The following RHOBTB3 variants were observed in gnomAD, a reference collection of about 807,000 sequenced individuals.
The protein encoded by RHOBTB3 is Rho related BTB domain containing 3, also known as rho-related BTB domain-containing protein 3.
RHOBTB3 carries 47 observed loss-of-function variants against 67.2 expected under a neutral mutation model. That is an observed-to-expected ratio of 0.70 (90% confidence interval 0.55 to 0.89). The LOEUF is 0.89. RHOBTB3 is among the 40% of genes least tolerant of loss of function. The pLI is 0.00. For missense variants in RHOBTB3, 631 were observed against 750.0 expected, an observed-to-expected ratio of 0.84 and a Z score of 1.85; for synonymous variants, 273 against 274.2, an observed-to-expected ratio of 1.00 and a Z score of 0.04.
At chr5:95,739,310 A>G (rs1755538367) in intron 3 of RHOBTB3, among the ~76,000 whole-genome samples, 1 of 152,026 alleles carries the variant, frequency 6.6e-6, no homozygotes, top group African/African-American at 2.4e-5. Context: ...CTTCATCTCC[A>G]TTGGATTTCG....
intron 10 of RHOBTB3, among the ~76,000 whole-genome samples, chr5:95,787,803 T>C (rs1746266287): frequency 6.6e-6 from 1 of 152,194 alleles, no homozygotes; most frequent in East Asian, 1.9e-4. Context: ...ATAGTGAAAT[T>C]CATAGAGACA....
chr5:95,782,609 C>T (rs9314156), intron 9 of RHOBTB3: 62,662 of 151,856 alleles, frequency 0.41, 13,161 homozygotes, highest in African/African-American at 0.48. Context: ...GAGATCGAGA[C>T]CATCCTGGCT....
chr5:95,783,571 AAAAAAAAAAAAAAAG>A lies in RHOBTB3; in HGVS notation c.1457-223_1457-209del, dbSNP rs1377722434. The A allele has an allele frequency of 1.9e-3, 284 of 149,998 alleles. 6 individuals are homozygous for A. The South Asian group carries it at 0.053, about 28-fold the overall frequency. 9.3% of individuals were successfully genotyped at this position (149,998 alleles called of 1,614,324 possible). ...TGAGACCTGTCTCTACAAAAAAAAA[AAAAAAAAAAAAAAAG>A]AAGAAGAAGAAAGGAAAGAAAAAAA... On this transcript the variant is annotated intron_variant, in intron 9 of 11. Coordinates refer to ENST00000379982, the MANE Select transcript of RHOBTB3 (RefSeq NM_014899.4).
intron 7 of RHOBTB3, among the ~76,000 whole-genome samples, chr5:95,766,959 C>T (rs1745564949): frequency 1.3e-5 from 2 of 151,994 alleles, no homozygotes; most frequent in Non-Finnish European, 2.9e-5. Context: ...TGGCTCACAC[C>T]TGTAATCCTA....
intron 7 of RHOBTB3, among the ~76,000 whole-genome samples, chr5:95,765,105 C>T (rs1745505339): frequency 6.6e-6 from 1 of 152,052 alleles, no homozygotes; most frequent in Non-Finnish European, 1.5e-5. Flanking sequence ...CAAACTTCTG[C>T]TCTCCCATTT....
chr5:95,765,028 T>C (rs1745502340), intron 7 of RHOBTB3, among the ~76,000 whole-genome samples: 1 of 152,174 alleles, frequency 6.6e-6, no homozygotes, highest in East Asian at 1.9e-4. Flanking sequence ...AAACAGTTCA[T>C]CTAGTTGTCT....
chr5:95,775,312 A>G (rs1745837336), intron 8 of RHOBTB3, among the ~76,000 whole-genome samples: 1 of 151,668 alleles, frequency 6.6e-6, no homozygotes, highest in Admixed American at 6.6e-5. Context: ...TTATTGGAGC[A>G]TTTTGGATTT....
At chr5:95,727,375 A>G (rs571013661), upstream of RHOBTB3, among the ~76,000 whole-genome samples, 9 of 152,200 alleles carry the variant, frequency 5.9e-5, no homozygotes, top group Non-Finnish European at 1.2e-4. Flanking sequence ...TTAAGGAACC[A>G]ACACGTTTTT....
rs116353007 is a variant in RHOBTB3, at chr5:95,737,211, G to A, written c.415+136G>A. 1,672 of 571,704 alleles carry A rather than the reference G, an allele frequency of 2.9e-3. 22 individuals are homozygous for A. The African/African-American group carries it at 0.031, about 10-fold the overall frequency. The allele number at this position is 571,704 out of a possible 1,614,324, so 35.4% of individuals were successfully genotyped here. On this transcript the variant is annotated intron_variant, in intron 3 of 11. Transcript: ENST00000379982. ...CTTTGGTTCAATGCCAGCTGCTATC[G>A]CTTCATCATTTGATACGATAAAAAA... is the stretch of plus-strand genomic sequence containing the variant.
At chr5:95,778,237 G>T (rs2112827256) in intron 8 of RHOBTB3, among the ~76,000 whole-genome samples, 1 of 152,124 alleles carries the variant, frequency 6.6e-6, no homozygotes, top group African/African-American at 2.4e-5. Context: ...CTTAGTATTT[G>T]CATGTAACCT....
intron 6 of RHOBTB3, among the ~76,000 whole-genome samples, chr5:95,757,958 A>G (rs1481175500): frequency 1.3e-5 from 2 of 152,230 alleles, no homozygotes; most frequent in African/African-American, 2.4e-5. Context: ...ACATGTTTAC[A>G]TGTTAAGAGA....
At chr5:95,743,533 A>G (rs1250458652) in intron 3 of RHOBTB3, among the ~76,000 whole-genome samples, 3 of 151,910 alleles carry the variant, frequency 2.0e-5, no homozygotes, top group Non-Finnish European at 2.9e-5. Context: ...GCCTGCCTTC[A>G]TTCTCTCAAG....
rs531370444 is a variant in RHOBTB3, at chr5:95,792,244, G to A, written c.1721-815G>A. ...AGTATTATACCAAAAAAACTTATCC[G>A]GGCGTGGTGACAGGCGCCTGTAGTC... On this transcript the variant is annotated intron_variant, in intron 11 of 11. Coordinates refer to ENST00000379982, the MANE Select transcript of RHOBTB3 (RefSeq NM_014899.4). Among the ~76,000 whole-genome samples, 52 of 152,190 alleles carry A rather than the reference G, an allele frequency of 3.4e-4. 1 individual carries two copies. The highest frequency in any genetic ancestry group is 1.3e-3 in the Admixed American group (20 of 15,284).
At chr5:95,729,320 G>C (rs1301788875), upstream of RHOBTB3, among the ~76,000 whole-genome samples, 1 of 152,076 alleles carries the variant, frequency 6.6e-6, no homozygotes, top group Admixed American at 6.6e-5. Context: ...CAAGTCTTAT[G>C]TACCTTGGGA....
At chr5:95,752,997 TG>T (rs1427529336) in intron 5 of RHOBTB3, among the ~76,000 whole-genome samples, 1 of 151,958 alleles carries the variant, frequency 6.6e-6, no homozygotes, top group East Asian at 1.9e-4. Context: ...CCGGGTGAGG[TG>T]GCAGGCGCCT....
At chr5:95,729,145 C>T (rs754823089), upstream of RHOBTB3, among the ~76,000 whole-genome samples, 78 of 152,360 alleles carry the variant, frequency 5.1e-4, 1 homozygote, top group South Asian at 1.9e-3. Context: ...ACTGCTCTGC[C>T]TATGGAGTAG....
At chr5:95,745,095 A>G (rs189851196) in intron 3 of RHOBTB3, among the ~76,000 whole-genome samples, 1,677 of 152,068 alleles carry the variant, frequency 0.011, 18 homozygotes, top group Non-Finnish European at 0.017. Context: ...TAAATACATA[A>G]AAATTTAAAA....
chr5:95,734,091 A>C (rs959864803), intron 2 of RHOBTB3, among the ~76,000 whole-genome samples: 1 of 152,228 alleles, frequency 6.6e-6, no homozygotes, highest in Non-Finnish European at 1.5e-5. Context: ...ATGCTCTATA[A>C]GTGGTAGCTA....
At chr5:95,737,124 T>C (rs1056172205) in intron 3 of RHOBTB3, 49 bp downstream of exon 3, 1 of 1,225,846 alleles carries the variant, frequency 8.2e-7, no homozygotes, top group Admixed American at 2.2e-5. Context: ...ATATTATATA[T>C]ACTTTAAATA....
Sources: gnomAD v4.1 joint callset for allele counts (sites outside exome capture counted in the v4.1 genomes callset) on GRCh38, gnomAD v4.1.1 for gene constraint, MANE v1.5 for transcripts, NCBI Gene and HGNC (gene_info 2026-07-23, HGNC 2026-07-21) for gene names.